Variants in FOXN3 observed in about 807,000 individuals in gnomAD.
The protein encoded by FOXN3 is forkhead box N3, also known as forkhead box protein N3.
Under a neutral mutation model 38.4 loss-of-function variants are expected in FOXN3, and 7 were observed. That is an observed-to-expected ratio of 0.18 (90% CI 0.10 to 0.34). The LOEUF is 0.34. Ranked by LOEUF, FOXN3 falls within the 10% of genes least tolerant of loss-of-function variation. The pLI, the probability that FOXN3 is intolerant of heterozygous loss-of-function variation, is 1.00. For synonymous variants in FOXN3, 230 were observed against 242.2 expected (o/e 0.95, Z 0.47); for missense variants, 456 against 613.4 (o/e 0.74, Z 2.71).
At chr14:89,605,487 T>A (rs543513639) in intron 1 of FOXN3, among the ~76,000 whole-genome samples, 2 of 151,664 alleles carry the variant, frequency 1.3e-5, no homozygotes, top group South Asian at 2.1e-4. Flanking sequence ...AAAAGAAATA[T>A]GGAAGAGGCA....
intron 1 of FOXN3, among the ~76,000 whole-genome samples, chr14:89,550,344 T>A (rs1266212692): frequency 6.6e-6 from 1 of 152,186 alleles, no homozygotes; most frequent in African/African-American, 2.4e-5. Flanking sequence ...AAACTTGTTA[T>A]AGCTGGAAGA....
At chr14:89,315,366 T>C (rs1887689942) in intron 3 of FOXN3, among the ~76,000 whole-genome samples, 1 of 152,052 alleles carries the variant, frequency 6.6e-6, no homozygotes. Context: ...GGATATACAG[T>C]GAAAATAAGA....
At chr14:89,375,454 T>C (rs1265498170) in intron 2 of FOXN3, among the ~76,000 whole-genome samples, 1 of 152,200 alleles carries the variant, frequency 6.6e-6, no homozygotes, top group Non-Finnish European at 1.5e-5. Flanking sequence ...TGTATCCTAG[T>C]AGATGTACAT....
intron 4 of FOXN3, among the ~76,000 whole-genome samples, chr14:89,252,379 G>A (rs529884821): frequency 3.9e-5 from 6 of 152,316 alleles, no homozygotes; most frequent in Non-Finnish European, 8.8e-5. Flanking sequence ...AATTGGCTGG[G>A]TGCAGTGGCT....
At chr14:89,251,811 CA>C (rs1885464746) in intron 4 of FOXN3, among the ~76,000 whole-genome samples, 1 of 152,114 alleles carries the variant, frequency 6.6e-6, no homozygotes, top group African/African-American at 2.4e-5. Flanking sequence ...TACAGAACAC[CA>C]ATGATGTGCT....
intron 3 of FOXN3, among the ~76,000 whole-genome samples, chr14:89,286,166 G>C (rs145498715): frequency 6.6e-6 from 1 of 151,870 alleles, no homozygotes; most frequent in East Asian, 1.9e-4. Context: ...GAGAGGAGTA[G>C]GGAGGGGAGG....
intron 5 of FOXN3, among the ~76,000 whole-genome samples, chr14:89,171,676 T>A (rs1043317778): frequency 1.4e-4 from 21 of 152,244 alleles, no homozygotes; most frequent in Admixed American, 1.1e-3. Flanking sequence ...AACTTTTTTT[T>A]ATGAAACTCA....
chr14:89,497,594 C>T (rs951223332), intron 1 of FOXN3, among the ~76,000 whole-genome samples: 3 of 151,136 alleles, frequency 2.0e-5, no homozygotes, highest in Non-Finnish European at 4.4e-5. Flanking sequence ...TTAGTAGAGA[C>T]GGGGTTTCTC....
chr14:89,347,676 G>A lies in FOXN3; in HGVS notation c.680+2996C>T, dbSNP rs138111628. Among the ~76,000 whole-genome samples, 89 of 152,256 alleles carry A rather than the reference G, an allele frequency of 5.8e-4. 1 individual carries two copies. The highest frequency in any genetic ancestry group is 4.0e-3 in the Admixed American group (61 of 15,284). On this transcript the variant is annotated intron_variant, in intron 3 of 5. Transcript: ENST00000557258. Reference sequence around the variant, plus strand: ...ACTTTAGAAAACAGAGGCATGGGCCGGGCGCGGTGGCTCACGCCTGTAATC... The same window carrying A: ...ACTTTAGAAAACAGAGGCATGGGCCAGGCGCGGTGGCTCACGCCTGTAATC...
intron 1 of FOXN3, among the ~76,000 whole-genome samples, chr14:89,469,583 C>T (rs1893048978): frequency 6.6e-6 from 1 of 152,212 alleles, no homozygotes; most frequent in Non-Finnish European, 1.5e-5. Flanking sequence ...CCTCTGTGGA[C>T]CTGGACTTCT....
At chr14:89,256,940 T>C (rs1455311526) in intron 4 of FOXN3, among the ~76,000 whole-genome samples, 1 of 152,206 alleles carries the variant, frequency 6.6e-6, no homozygotes, top group Non-Finnish European at 1.5e-5. Context: ...GAAGAAGCTA[T>C]AAAAAGCAGT....
At chr14:89,583,433 C>T (rs1895784440) in intron 1 of FOXN3, among the ~76,000 whole-genome samples, 1 of 152,218 alleles carries the variant, frequency 6.6e-6, no homozygotes, top group South Asian at 2.1e-4. Flanking sequence ...CCATTTTGCG[C>T]TTCCGCCTTC....
chr14:89,230,822 C>A, intron 4 of FOXN3: 1 of 454,936 alleles, frequency 2.2e-6, no homozygotes, highest in Middle Eastern at 3.4e-4. Flanking sequence ...ACCCTCCTTA[C>A]AGTGTTCAGC....
At chr14:89,306,062 C>T (rs1887360370) in intron 3 of FOXN3, among the ~76,000 whole-genome samples, 1 of 152,204 alleles carries the variant, frequency 6.6e-6, no homozygotes, top group South Asian at 2.1e-4. Flanking sequence ...GAGCTATGTG[C>T]ATATAATGCT....
intron 1 of FOXN3, among the ~76,000 whole-genome samples, chr14:89,446,107 A>T (rs58585816): frequency 0.012 from 1,834 of 147,398 alleles, 133 homozygotes; most frequent in African/African-American, 0.042. Flanking sequence ...AAAAAAAAAA[A>T]AAAATTTTAA....
intron 2 of FOXN3, among the ~76,000 whole-genome samples, chr14:89,396,876 T>C (rs1208203443): frequency 7.5e-6 from 1 of 134,074 alleles, no homozygotes; most frequent in Admixed American, 7.2e-5. Context: ...TATGCTGCAG[T>C]AGACTTTTTT....
chr14:89,413,983 A>T (rs1891621724), intron 1 of FOXN3, among the ~76,000 whole-genome samples: 1 of 148,800 alleles, frequency 6.7e-6, no homozygotes, highest in Non-Finnish European at 1.5e-5. Context: ...GAGGAGGAGG[A>T]GGAGAAGAAG....
Position 89,511,141 on chromosome 14 carries a change from T to TTTTCTTTTCTTTCTTTCTTTCTTTCTTTC in FOXN3, c.-14-98652_-14-98651insGAAAGAAAGAAAGAAAGAAAGAAAAGAAA, listed in dbSNP as rs1894051126. 3.2e-3 allele frequency among the ~76,000 whole-genome samples: 67 copies of TTTTCTTTTCTTTCTTTCTTTCTTTCTTTC among 20,994 alleles called. 14 individuals are homozygous for TTTTCTTTTCTTTCTTTCTTTCTTTCTTTC. Among genetic ancestry groups the TTTTCTTTTCTTTCTTTCTTTCTTTCTTTC allele is most frequent in the Non-Finnish European group, 7.4e-3 (40 of 5,424 alleles). The allele number at this position is 20,994 out of a possible 152,430, so 13.8% of individuals were successfully genotyped here. A position where few individuals can be genotyped will look rare whatever the true frequency, so the allele number is the denominator to read the frequency against. On this transcript the variant is annotated intron_variant, in intron 1 of 6. Coordinates refer to the FOXN3 transcript ENST00000345097. Reference sequence around the variant, plus strand: ...CTTGGTGTCTTTCTTTCTTTCTTTCTTTTCTTTCTTTCTTTCTTTCTTTCT... The same window carrying TTTTCTTTTCTTTCTTTCTTTCTTTCTTTC: ...CTTGGTGTCTTTCTTTCTTTCTTTCTTTTCTTTTCTTTCTTTCTTTCTTTCTTTCTTTCTTTCTTTCTTTCTTTCTTTCT...
intron 4 of FOXN3, among the ~76,000 whole-genome samples, chr14:89,246,541 G>GTTTTTT (rs1410355460): frequency 2.9e-5 from 1 of 34,346 alleles, no homozygotes; most frequent in Admixed American, 2.9e-4. Context: ...GCAGGATGCG[G>GTTTTTT]CTTTTTTTTT....
Sources: gnomAD v4.1 joint callset for allele counts (sites outside exome capture counted in the v4.1 genomes callset) on GRCh38, gnomAD v4.1.1 for gene constraint, MANE v1.5 for transcripts, NCBI Gene and HGNC (gene_info 2026-07-23, HGNC 2026-07-21) for gene names.